The following ADK variants were observed in gnomAD, a reference collection of about 807,000 sequenced individuals.
ADK encodes N6,N6-dimethyladenosine kinase.
In ADK, 24 loss-of-function variants were observed where a neutral mutation model predicts 44.7. The ratio of observed to expected loss-of-function variants is 0.54; its 90% CI spans 0.39 to 0.76. The LOEUF is 0.76. Ranked by LOEUF, ADK falls within the 30% of genes least tolerant of loss-of-function variation. ADK has a pLI of 0.00. For synonymous variants in ADK, 128 were observed against 142.6 expected (o/e 0.90, Z 0.73); for missense variants, 321 against 425.1 (o/e 0.76, Z 2.15).
intron 4 of ADK, among the ~76,000 whole-genome samples, chr10:74,335,862 T>TA (rs1181608080): frequency 2.6e-5 from 4 of 151,886 alleles, no homozygotes; most frequent in Non-Finnish European, 4.4e-5. Flanking sequence ...GCCTTTTTTT[T>TA]AAAAAAAATT....
At chr10:74,374,584 A>G (rs747391420) in intron 4 of ADK, among the ~76,000 whole-genome samples, 2 of 152,146 alleles carry the variant, frequency 1.3e-5, no homozygotes, top group Non-Finnish European at 2.9e-5. Context: ...AGTTTTCTGT[A>G]CACTGTTGCC....
rs151083075 is a variant in ADK, at chr10:74,180,737, C to T, written c.66-20027C>T. The stretch of plus-strand genomic sequence containing the variant: ...CCTCCCAAAGTACTGGGATTACAGG[C>T]GTGAGCAACCGTGCCCGGCTGGCCA... On this transcript the variant is annotated intron_variant, in intron 1 of 10. Coordinates refer to ENST00000539909, the MANE Select transcript of ADK (RefSeq NM_006721.4). Among the ~76,000 whole-genome samples, 1,328 of 152,284 alleles carry T rather than the reference C, an allele frequency of 8.7e-3. 22 individuals are homozygous for T. Among genetic ancestry groups the T allele is most frequent in the African/African-American group, 0.03 (1,236 of 41,564 alleles).
intron 3 of ADK, among the ~76,000 whole-genome samples, chr10:74,295,511 A>G (rs955320118): frequency 6.6e-6 from 1 of 152,062 alleles, no homozygotes; most frequent in African/African-American, 2.4e-5. Flanking sequence ...ACTCAGGGCT[A>G]TGACACTTTT....
At chr10:74,546,388 T>G (rs940911173) in intron 7 of ADK, among the ~76,000 whole-genome samples, 2 of 152,196 alleles carry the variant, frequency 1.3e-5, no homozygotes, top group African/African-American at 4.8e-5. Flanking sequence ...TCTAGAAATA[T>G]TCTCATCTCT....
chr10:74,265,431 G>A (rs575190052), intron 3 of ADK, among the ~76,000 whole-genome samples: 22 of 152,170 alleles, frequency 1.4e-4, no homozygotes, highest in Admixed American at 5.2e-4. Context: ...GGCCAAGATG[G>A]TCTCAATCTC....
intron 6 of ADK, among the ~76,000 whole-genome samples, chr10:74,441,550 C>T (rs1240907010): frequency 6.6e-6 from 1 of 152,086 alleles, no homozygotes; most frequent in East Asian, 1.9e-4. Flanking sequence ...TTACATGAGA[C>T]ACAAAAATGA....
At chr10:74,301,196 A>G (rs1362817055) in intron 3 of ADK, among the ~76,000 whole-genome samples, 1 of 152,168 alleles carries the variant, frequency 6.6e-6, no homozygotes, top group Non-Finnish European at 1.5e-5. Context: ...TAACAGATGA[A>G]TATTTGCGAT....
At chr10:74,678,925 C>T (rs1855501362) in intron 10 of ADK, among the ~76,000 whole-genome samples, 1 of 152,190 alleles carries the variant, frequency 6.6e-6, no homozygotes. Flanking sequence ...CAACATGTAT[C>T]AGTTAGCTTT....
At chr10:74,425,797 A>G (rs1161420566) in intron 6 of ADK, among the ~76,000 whole-genome samples, 7 of 151,932 alleles carry the variant, frequency 4.6e-5, no homozygotes, top group African/African-American at 1.7e-4. Flanking sequence ...TTCTGTGTCA[A>G]CTCAGCAATA....
chr10:74,327,676 A>C (rs1232171417), intron 4 of ADK, among the ~76,000 whole-genome samples: 1 of 152,150 alleles, frequency 6.6e-6, no homozygotes, highest in Non-Finnish European at 1.5e-5. Context: ...AATCTGTACA[A>C]CAAACCCCCA....
At chr10:74,583,989 G>T (rs1157137028) in intron 7 of ADK, among the ~76,000 whole-genome samples, 1 of 152,166 alleles carries the variant, frequency 6.6e-6, no homozygotes, top group Non-Finnish European at 1.5e-5. Context: ...TAGAGCGAGG[G>T]CTCAGAGAGA....
At chr10:74,342,427 TCA>T (rs767701473) in intron 4 of ADK, among the ~76,000 whole-genome samples, 3 of 152,310 alleles carry the variant, frequency 2.0e-5, no homozygotes, top group Non-Finnish European at 2.9e-5. Flanking sequence ...AATTTTATGT[TCA>T]GATTATTCAT....
chr10:74,453,769 C>G (rs1412860324), intron 6 of ADK, among the ~76,000 whole-genome samples: 1 of 151,938 alleles, frequency 6.6e-6, no homozygotes, highest in African/African-American at 2.4e-5. Context: ...TTAATTACCA[C>G]AATTTTTAAA....
chr10:74,241,730 C>A (rs1845217235), intron 3 of ADK, among the ~76,000 whole-genome samples: 1 of 151,100 alleles, frequency 6.6e-6, no homozygotes, highest in African/African-American at 2.4e-5. Flanking sequence ...TGAGACAAGG[C>A]CTTGCTCTGT....
At chr10:74,464,356 G>A (rs1846273680) in intron 6 of ADK, among the ~76,000 whole-genome samples, 2 of 151,798 alleles carry the variant, frequency 1.3e-5, no homozygotes, top group African/African-American at 4.8e-5. Flanking sequence ...AGACCAGCCT[G>A]GGCAACATAG....
At chr10:74,416,837 CA>C (rs552908253) in intron 6 of ADK, among the ~76,000 whole-genome samples, 79 of 151,746 alleles carry the variant, frequency 5.2e-4, no homozygotes, top group African/African-American at 1.8e-3. Context: ...TAGAATAGTC[CA>C]CCAAAAATAT....
intron 6 of ADK, among the ~76,000 whole-genome samples, chr10:74,428,951 C>G (rs749406424): frequency 6.6e-6 from 1 of 152,120 alleles, no homozygotes; most frequent in Non-Finnish European, 1.5e-5. Context: ...TGCATCTCAA[C>G]TCAATCACAA....
chr10:74,240,573 A>C (rs1291499022), intron 3 of ADK, among the ~76,000 whole-genome samples: 2 of 152,176 alleles, frequency 1.3e-5, no homozygotes, highest in Admixed American at 6.5e-5. Flanking sequence ...AATACTTGGA[A>C]ATTAGCAAAT....
chr10:74,413,084 A>G (rs1344283866), intron 6 of ADK, among the ~76,000 whole-genome samples: 1 of 152,014 alleles, frequency 6.6e-6, no homozygotes, highest in East Asian at 1.9e-4. Context: ...AGCATACCAT[A>G]CTCAAACAGG....
Sources: gnomAD v4.1 joint callset for allele counts (sites outside exome capture counted in the v4.1 genomes callset) on GRCh38, gnomAD v4.1.1 for gene constraint, MANE v1.5 for transcripts, NCBI Gene and HGNC (gene_info 2026-07-23, HGNC 2026-07-21) for gene names.